Variants in NEGR1 observed in about 807,000 individuals in gnomAD.
The protein encoded by NEGR1 is neuronal growth regulator 1.
NEGR1 carries 10 observed loss-of-function variants against 40.9 expected under a neutral mutation model. The observed-to-expected ratio is 0.24, with a 90% CI of 0.15 to 0.42. The LOEUF (loss-of-function observed/expected upper bound fraction) is 0.42. NEGR1 is among the 10% of genes least tolerant of loss of function. The probability of loss-of-function intolerance (pLI) is 1.00; values close to 1 mark genes in which losing one functional copy is unlikely to be tolerated. For synonymous variants in NEGR1, 185 were observed against 166.8 expected, an observed-to-expected ratio of 1.11 and a Z score of -0.84; for missense variants, 352 against 438.9, an observed-to-expected ratio of 0.80 and a Z score of 1.77.
intron 6 of NEGR1, among the ~76,000 whole-genome samples, chr1:71,415,170 G>A (rs1455670347): frequency 2.0e-5 from 3 of 151,556 alleles, no homozygotes; most frequent in Non-Finnish European, 2.9e-5. Context: ...CTATCTTCAG[G>A]TAGTTCCATC....
chr1:71,848,458 T>A (rs779033283), intron 2 of NEGR1, among the ~76,000 whole-genome samples: 10 of 152,138 alleles, frequency 6.6e-5, no homozygotes, highest in Non-Finnish European at 1.5e-4. Flanking sequence ...TTAAAGCCAA[T>A]GCTCATTTAC....
At chr1:71,779,791 A>G (rs1004907244) in intron 2 of NEGR1, among the ~76,000 whole-genome samples, 5 of 151,672 alleles carry the variant, frequency 3.3e-5, no homozygotes, top group Non-Finnish European at 7.4e-5. Context: ...CTGCTCTCGA[A>G]CTCCTGACTT....
At chr1:71,733,941 T>G (rs989685210) in intron 3 of NEGR1, among the ~76,000 whole-genome samples, 2 of 152,156 alleles carry the variant, frequency 1.3e-5, no homozygotes, top group African/African-American at 4.8e-5. Context: ...TGGAAACTAT[T>G]AAATCTTTCA....
At chr1:71,946,267 G>C (rs974202245) in intron 1 of NEGR1, among the ~76,000 whole-genome samples, 1 of 151,866 alleles carries the variant, frequency 6.6e-6, no homozygotes. Context: ...GTAGAGACAG[G>C]GTCTATTATG....
chr1:72,036,642 C>A (rs1646905469), intron 1 of NEGR1, among the ~76,000 whole-genome samples: 1 of 130,118 alleles, frequency 7.7e-6, no homozygotes. Context: ...GGAGACAGAG[C>A]GAGACTCCAT....
chr1:72,049,355 A>C (rs1461813708), intron 1 of NEGR1, among the ~76,000 whole-genome samples: 2 of 151,430 alleles, frequency 1.3e-5, no homozygotes, highest in Non-Finnish European at 3.0e-5. Context: ...CTTAATAAAT[A>C]AGCATAAAAC....
intron 1 of NEGR1, among the ~76,000 whole-genome samples, chr1:72,066,465 T>C (rs918202915): frequency 3.3e-5 from 5 of 152,174 alleles, no homozygotes; most frequent in Admixed American, 1.3e-4. Context: ...AATGATTAAC[T>C]GTTATGAACT....
At chr1:71,628,513 C>T (rs1410195972) in intron 4 of NEGR1, among the ~76,000 whole-genome samples, 8 of 151,928 alleles carry the variant, frequency 5.3e-5, no homozygotes, top group South Asian at 4.1e-4. Context: ...TTGCTGCACC[C>T]GTCAACCCAT....
At chr1:71,943,169 C>T (rs916242022) in intron 1 of NEGR1, among the ~76,000 whole-genome samples, 5 of 146,994 alleles carry the variant, frequency 3.4e-5, no homozygotes, top group African/African-American at 1.2e-4. Flanking sequence ...CTTAACTATA[C>T]ATATATGTAT....
intron 1 of NEGR1, among the ~76,000 whole-genome samples, chr1:71,978,486 T>A (rs971097282): frequency 6.6e-6 from 1 of 151,870 alleles, no homozygotes; most frequent in African/African-American, 2.4e-5. Flanking sequence ...GGCCCTGAAA[T>A]TGCTACCTAA....
chr1:72,220,969 CAT>C (rs1326620223), intron 1 of NEGR1, among the ~76,000 whole-genome samples: 4 of 145,640 alleles, frequency 2.7e-5, no homozygotes, highest in African/African-American at 1.0e-4. Context: ...CTAGAGCTGA[CAT>C]ATAAAATTAC....
chr1:71,957,287 C>G (rs963017580), intron 1 of NEGR1, among the ~76,000 whole-genome samples: 1 of 152,050 alleles, frequency 6.6e-6, no homozygotes, highest in African/African-American at 2.4e-5. Flanking sequence ...AGCTACAGCA[C>G]TAGAATTAAA....
chr1:71,733,228 A>G (rs986177426), intron 3 of NEGR1, among the ~76,000 whole-genome samples: 2 of 152,194 alleles, frequency 1.3e-5, no homozygotes, highest in Non-Finnish European at 2.9e-5. Flanking sequence ...AACATCTGAT[A>G]TATCTGCTGC....
At chr1:72,024,269 T>C (rs1455614345) in intron 1 of NEGR1, among the ~76,000 whole-genome samples, 5 of 152,058 alleles carry the variant, frequency 3.3e-5, no homozygotes, top group Admixed American at 6.6e-5. Context: ...CATCTAAAAT[T>C]AAAATTGAAA....
At chr1:71,992,225 C>A (rs1016890915) in intron 1 of NEGR1, among the ~76,000 whole-genome samples, 4 of 151,986 alleles carry the variant, frequency 2.6e-5, no homozygotes, top group Non-Finnish European at 5.9e-5. Flanking sequence ...ACATCATATT[C>A]ATTTTTAGCA....
chr1:71,616,108 T>A (rs1021913040), intron 4 of NEGR1, among the ~76,000 whole-genome samples: 8 of 152,356 alleles, frequency 5.3e-5, no homozygotes, highest in Non-Finnish European at 8.8e-5. Context: ...GATTACTTTC[T>A]ACATTACTTC....
intron 1 of NEGR1, among the ~76,000 whole-genome samples, chr1:72,131,719 G>C (rs967659392): frequency 1.3e-5 from 2 of 152,148 alleles, no homozygotes; most frequent in South Asian, 2.1e-4. Context: ...GATAAACCTA[G>C]GAATGTACTA....
intron 1 of NEGR1, among the ~76,000 whole-genome samples, chr1:72,008,912 AG>A: frequency 6.6e-6 from 1 of 152,068 alleles, no homozygotes; most frequent in East Asian, 1.9e-4. Flanking sequence ...GGAAGAGTGA[AG>A]TCAAAAAGCT....
At chr1:72,110,848 G>A (rs1191843893) in intron 1 of NEGR1, among the ~76,000 whole-genome samples, 2 of 150,908 alleles carry the variant, frequency 1.3e-5, no homozygotes, top group Admixed American at 6.6e-5. Flanking sequence ...TATAAATTCC[G>A]ACAATTTATT....
Sources: gnomAD v4.1 joint callset for allele counts (sites outside exome capture counted in the v4.1 genomes callset) on GRCh38, gnomAD v4.1.1 for gene constraint, MANE v1.5 for transcripts, NCBI Gene and HGNC (gene_info 2026-07-23, HGNC 2026-07-21) for gene names.